The following SLAIN2 variants were observed in gnomAD, a reference collection of about 807,000 sequenced individuals.
SLAIN2 encodes SLAIN family member 2.
Under a neutral mutation model 56.6 loss-of-function variants are expected in SLAIN2, and 31 were observed. The ratio of observed to expected loss-of-function variants is 0.55; its 90% CI spans 0.41 to 0.74. SLAIN2 has a LOEUF of 0.74. Among genes scored for constraint, SLAIN2 ranks in the 30% least tolerant of loss-of-function variants. The pLI, the probability that SLAIN2 is intolerant of heterozygous loss-of-function variation, is 0.00. For synonymous variants in SLAIN2, 317 were observed against 284.9 expected, an observed-to-expected ratio of 1.11 and a Z score of -1.13; for missense variants, 777 against 754.2, an observed-to-expected ratio of 1.03 and a Z score of -0.35.
At chr4:48,377,467 C>T (rs1715852064) in intron 2 of SLAIN2, among the ~76,000 whole-genome samples, 1 of 151,690 alleles carries the variant, frequency 6.6e-6, no homozygotes. Context: ...GCATGAGCCA[C>T]CGTGCCTGGC....
intron 6 of SLAIN2, among the ~76,000 whole-genome samples, chr4:48,414,000 A>G (rs1236488984): frequency 6.6e-6 from 1 of 152,176 alleles, no homozygotes; most frequent in Non-Finnish European, 1.5e-5. Context: ...TAGCACAATT[A>G]TTAAATACTT....
Position 48,369,976 on chromosome 4 carries a change from A to C in SLAIN2, c.517A>C (p.Lys173Gln), listed in dbSNP as rs781333674. ...VECAKKSLIH[K>Q]LDQTMSALKR... ...GTGTGCTAAAAAATCTCTTATCCAC[A>C]AACTTGATCAAACTATGTCAGGTAT... Residue 173 changes from lysine to glutamine, a missense_variant, in exon 2 of 8, where the codon AAA (lysine) becomes CAA (glutamine). Transcript: ENST00000264313. 1.2e-6 allele frequency: 2 copies of C among 1,613,524 alleles called. No individual in the cohort carries two copies. The highest frequency in any genetic ancestry group is 2.2e-5 in the South Asian group (2 of 91,032).
chr4:48,342,147 G>GCT lies in SLAIN2; in HGVS notation c.389+20_389+21insTC, dbSNP rs1427676115. The GCT allele has an allele frequency of 1.1e-5, 15 of 1,338,418 alleles. No individual in the cohort carries two copies. The highest frequency in any genetic ancestry group is 1.5e-5 in the African/African-American group (1 of 64,924). The allele number at this position is 1,338,418 out of a possible 1,614,324, so 82.9% of individuals were successfully genotyped here. ...AGAGCTGGTGAGCGCGAGGCGCCGGGCAGGAGCTGGGCGGGGACGGGCCCG... is the reference window on the plus strand; with the variant it reads ...AGAGCTGGTGAGCGCGAGGCGCCGGGCTCAGGAGCTGGGCGGGGACGGGCCCG... On this transcript the variant is annotated intron_variant, in intron 1 of 7. Transcript: ENST00000264313.
Position 48,341,764 on chromosome 4 carries a change from A to G in SLAIN2, c.25A>G (p.Asn9Asp). ...GATGGAGGACGTTAACTCCAACGTG[A>G]ACGCGGACCAGGAGGTGCGGAAGCT... MEDVNSNV[N>D]ADQEVRKLQE... Residue 9 changes from asparagine (N) to aspartate (D), a missense_variant, in exon 1 of 8, where the codon AAC becomes GAC. Asn to Asp is a conservative substitution (Grantham distance 23). Transcript: ENST00000264313. 6.5e-7 allele frequency: 1 copy of G among 1,530,948 alleles called. No individual in the cohort carries two copies. 94.8% of individuals were successfully genotyped at this position (1,530,948 alleles called of 1,614,324 possible).
rs80049748 is a variant in SLAIN2, at chr4:48,380,066, A to G, written c.862+218A>G. 5.3e-3 allele frequency among the ~76,000 whole-genome samples: 814 copies of G among 152,226 alleles called. 10 individuals are homozygous for G. Among genetic ancestry groups the G allele is most frequent in the African/African-American group, 0.018 (767 of 41,560 alleles). On this transcript the variant is annotated intron_variant, in intron 4 of 7. Transcript: ENST00000264313. Reference sequence around the variant, plus strand: ...AGAGCAGTTATGCTGTGTGAGGGACAAAGAACAGCATTTATGCTGCTCTGC... The same window carrying G: ...AGAGCAGTTATGCTGTGTGAGGGACGAAGAACAGCATTTATGCTGCTCTGC...
Position 48,341,731 on chromosome 4 carries a change from G to T in SLAIN2, c.-9G>T. The T allele has an allele frequency of 6.5e-7, 1 of 1,526,844 alleles. No individual in the cohort carries two copies. The highest frequency in any genetic ancestry group is 2.6e-5 in the East Asian group (1 of 38,014). 94.6% of individuals were successfully genotyped at this position (1,526,844 alleles called of 1,614,324 possible). ...GGGCGGCGGAGGCGGCGGCGGCGGC[G>T]GGGCCGGGATGGAGGACGTTAACTC... On this transcript the variant is annotated 5_prime_UTR_variant, in exon 1 of 8. Coordinates refer to ENST00000264313, the MANE Select transcript of SLAIN2 (RefSeq NM_020846.2).
At position 48,423,002 on chromosome 4, in the gene SLAIN2, A is replaced by C. The variant is rs561629352; in HGVS notation, c.*925A>C. ...AGTGTGTGTCTTTATTCTTGATACA[A>C]CACCACCTCGGTGCTTGCAACCTGG... On this transcript the variant is annotated 3_prime_UTR_variant, in exon 8 of 8. Transcript: ENST00000264313. 85 of 152,282 alleles carry C rather than the reference A, an allele frequency of 5.6e-4. No homozygotes were observed. The highest frequency in any genetic ancestry group is 1.9e-3 in the African/African-American group (78 of 41,556). The allele number at this position is 152,282 out of a possible 1,614,324, so 9.4% of individuals were successfully genotyped here.
chr4:48,388,616 A>G (rs948475256), intron 6 of SLAIN2, among the ~76,000 whole-genome samples: 1 of 152,222 alleles, frequency 6.6e-6, no homozygotes, highest in Non-Finnish European at 1.5e-5. Flanking sequence ...CCATATAACT[A>G]GGGAAGTGGT....
chr4:48,398,827 G>C (rs1716475775), intron 6 of SLAIN2, among the ~76,000 whole-genome samples: 1 of 152,118 alleles, frequency 6.6e-6, no homozygotes, highest in Admixed American at 6.5e-5. Flanking sequence ...TTATTTCTGA[G>C]TTCTCCCTTC....
chr4:48,418,436 G>T (rs1053110420), intron 6 of SLAIN2, among the ~76,000 whole-genome samples: 6 of 151,880 alleles, frequency 4.0e-5, no homozygotes, highest in Non-Finnish European at 7.4e-5. Flanking sequence ...TCTTCATCCT[G>T]TTACTGTGGA....
At position 48,411,585 on chromosome 4, in the gene SLAIN2, A is replaced by G. The variant is rs549584613; in HGVS notation, c.1361-8540A>G. On this transcript the variant is annotated intron_variant, in intron 6 of 7. Coordinates refer to ENST00000264313, the MANE Select transcript of SLAIN2 (RefSeq NM_020846.2). ...ATCTGGAATGTCCCTGTTCTGCTCT[A>G]TTTGGATTATCTTCTGAGTTTTTTT... is the stretch of plus-strand genomic sequence containing the variant. 3.1e-3 allele frequency among the ~76,000 whole-genome samples: 440 copies of G among 144,258 alleles called. 2 individuals are homozygous for G. Among genetic ancestry groups the G allele is most frequent in the Non-Finnish European group, 3.3e-3 (219 of 65,920 alleles). 94.6% of individuals were successfully genotyped at this position (144,258 alleles called of 152,430 possible).
At chr4:48,407,952 T>C (rs1346758676) in intron 6 of SLAIN2, among the ~76,000 whole-genome samples, 1 of 152,238 alleles carries the variant, frequency 6.6e-6, no homozygotes, top group Non-Finnish European at 1.5e-5. Context: ...ATACAATATA[T>C]GATCTTTTGT....
intron 6 of SLAIN2, among the ~76,000 whole-genome samples, chr4:48,393,311 C>T (rs1339095255): frequency 1.3e-5 from 2 of 151,992 alleles, no homozygotes; most frequent in Non-Finnish European, 2.9e-5. Flanking sequence ...GCAGCCATAA[C>T]CTCCTGGGCT....
At chr4:48,379,878 T>A in intron 4 of SLAIN2, 30 bp downstream of exon 4, 6 of 1,446,152 alleles carry the variant, frequency 4.1e-6, no homozygotes, top group Non-Finnish European at 5.5e-6. Context: ...AGAGTTGAGG[T>A]TTTTTACTAT....
At chr4:48,392,141 A>C (rs187399864) in intron 6 of SLAIN2, among the ~76,000 whole-genome samples, 2 of 152,364 alleles carry the variant, frequency 1.3e-5, no homozygotes, top group Non-Finnish European at 2.9e-5. Flanking sequence ...AAGATAATTC[A>C]GAATAACATT....
At chr4:48,369,816 A>G in intron 1 of SLAIN2, 33 bp from the exon 2 acceptor site, 2 of 1,597,214 alleles carry the variant, frequency 1.3e-6, no homozygotes, top group Non-Finnish European at 8.5e-7. Context: ...GTGCTTAATA[A>G]GGAATTTTCT....
intron 2 of SLAIN2, among the ~76,000 whole-genome samples, chr4:48,372,053 T>TATATATATACACACACATATATAC (rs1715685527): frequency 1.6e-5 from 1 of 64,228 alleles, no homozygotes; most frequent in Non-Finnish European, 3.3e-5. Context: ...CATATATACA[T>TATATATATACACACACATATATAC]ATATATATAT....
At chr4:48,361,910 T>C (rs1402351081) in intron 1 of SLAIN2, among the ~76,000 whole-genome samples, 2 of 152,238 alleles carry the variant, frequency 1.3e-5, no homozygotes, top group African/African-American at 4.8e-5. Flanking sequence ...CTGAGTATTT[T>C]ATTCCTTTTG....
Position 48,378,580 on chromosome 4 carries a change from C to T in SLAIN2, c.703+520C>T, listed in dbSNP as rs571802149. Among the ~76,000 whole-genome samples the T allele has an allele frequency of 1.7e-3, 259 of 152,296 alleles. 1 individual carries two copies. Among genetic ancestry groups the T allele is most frequent in the African/African-American group, 6.0e-3 (249 of 41,566 alleles). ...GTGTAGCTTACTCTTCACGAATTCACAATTCACCCATTTATTTACTCTTAT... is the reference window on the plus strand; with the variant it reads ...GTGTAGCTTACTCTTCACGAATTCATAATTCACCCATTTATTTACTCTTAT... On this transcript the variant is annotated intron_variant, in intron 3 of 7. Coordinates refer to ENST00000264313, the MANE Select transcript of SLAIN2 (RefSeq NM_020846.2).
Sources: allele counts gnomAD v4.1 joint callset (sites outside exome capture counted in the v4.1 genomes callset), GRCh38; gene constraint gnomAD v4.1.1; transcripts MANE v1.5; gene names NCBI Gene and HGNC (gene_info 2026-07-23, HGNC 2026-07-21).